Variants in MYO16 observed in about 807,000 individuals in gnomAD.
The protein encoded by MYO16 is unconventional myosin-XVI.
A neutral mutation model predicts 205.3 loss-of-function variants in MYO16; 94 were observed. The observed-to-expected ratio is 0.46, with a 90% CI of 0.39 to 0.54. The LOEUF (loss-of-function observed/expected upper bound fraction) is 0.54. Among genes scored for constraint, MYO16 ranks in the 20% least tolerant of loss-of-function variants. The pLI, the probability that MYO16 is intolerant of heterozygous loss-of-function variation, is 0.00. For missense variants in MYO16, 2,315 were observed against 2,387.5 expected, an observed-to-expected ratio of 0.97 and a Z score of 0.63; for synonymous variants, 988 against 954.0, an observed-to-expected ratio of 1.04 and a Z score of -0.66.
At chr13:109,205,128 ACTGAGTAAC>A (rs923392251) in intron 34 of MYO16, among the ~76,000 whole-genome samples, 1 of 152,122 alleles carries the variant, frequency 6.6e-6, no homozygotes. Context: ...TGCTTTAGGG[ACTGAGTAAC>A]CATAGTCCTC....
chr13:108,496,311 G>A, the MYO16 span, among the ~76,000 whole-genome samples: 2 of 152,232 alleles, frequency 1.3e-5, no homozygotes, highest in East Asian at 3.9e-4. Flanking sequence ...GGGAGATGGG[G>A]GAAGCGGCGT....
In MYO16 at chr13:109,139,320, A is replaced by G. The variant is rs533658444; in HGVS notation, c.4052-944A>G. On this transcript the variant is annotated intron_variant, in intron 31 of 34. Transcript: ENST00000457511. Reference sequence around the variant, plus strand: ...AGTAAGCTTTCATATGCCACTAACTATTAATAGTTAATTGGCCAGGTCTCC... The same window carrying G: ...AGTAAGCTTTCATATGCCACTAACTGTTAATAGTTAATTGGCCAGGTCTCC... Among the ~76,000 whole-genome samples the G allele has an allele frequency of 2.0e-4, 30 of 152,312 alleles. No individual in the cohort carries two copies. The Middle Eastern group carries it at 0.01, about 52-fold the overall frequency.
At chr13:108,595,791 TA>T (rs1251244775), upstream of MYO16, among the ~76,000 whole-genome samples, 2 of 152,116 alleles carry the variant, frequency 1.3e-5, no homozygotes, top group African/African-American at 4.8e-5. Context: ...GTATGGATTT[TA>T]ATGTTCATTG....
intron 21 of MYO16, among the ~76,000 whole-genome samples, chr13:108,999,659 A>G (rs940265799): frequency 3.9e-5 from 6 of 152,158 alleles, no homozygotes; most frequent in Admixed American, 1.3e-4. Context: ...GAGCATATAA[A>G]CTATACATTT....
At chr13:109,191,285 C>T (rs1331929171) in intron 34 of MYO16, among the ~76,000 whole-genome samples, 5 of 152,004 alleles carry the variant, frequency 3.3e-5, no homozygotes, top group Non-Finnish European at 7.4e-5. Flanking sequence ...TGAGGTTCTG[C>T]TTGTACTAGG....
intron 1 of MYO16, among the ~76,000 whole-genome samples, chr13:108,618,858 A>G (rs1213232517): frequency 6.6e-6 from 1 of 152,194 alleles, no homozygotes; most frequent in East Asian, 1.9e-4. Flanking sequence ...ATGCAGTAAA[A>G]CACATATATA....
rs754720073 is a variant in MYO16 at position 108,844,453 on chromosome 13, C to A, written c.1208C>A (p.Pro403His). The A allele has an allele frequency of 6.2e-7, 1 of 1,611,780 alleles. No homozygotes were observed. Among genetic ancestry groups the A allele is most frequent in the Non-Finnish European group, 8.5e-7 (1 of 1,178,366 alleles). ...LCKQQSQDSI[P>H]ENPMMSGSTK... is the part of the protein sequence containing the mutation. ...AAGCAGCAGTCTCAGGACAGCATCC[C>A]TGAAAACCCCATGATGAGCGGTTCC... The change falls in exon 10 of 35, where the codon CCT (proline) becomes CAT (histidine). Residue 403 changes from proline (P) to histidine (H), a missense_variant. By Grantham distance (77) the Pro-to-His change is moderately conservative (BLOSUM62 -2). Transcript: ENST00000457511.
chr13:109,007,008 G>A (rs1885408924), intron 21 of MYO16, among the ~76,000 whole-genome samples: 2 of 152,168 alleles, frequency 1.3e-5, no homozygotes, highest in South Asian at 4.1e-4. Context: ...CTCCATGGAA[G>A]AAGAGAAACC....
chr13:108,720,624 A>G (rs965768213), intron 3 of MYO16, among the ~76,000 whole-genome samples: 2 of 152,206 alleles, frequency 1.3e-5, no homozygotes, highest in Non-Finnish European at 2.9e-5. Context: ...TGCCTGGCAC[A>G]TGACATTCAC....
intron 16 of MYO16, among the ~76,000 whole-genome samples, chr13:108,912,157 C>T (rs1232803417): frequency 6.6e-6 from 1 of 152,138 alleles, no homozygotes; most frequent in Non-Finnish European, 1.5e-5. Flanking sequence ...CAACCTCTGT[C>T]CCGCCACTGC....
At chr13:108,639,966 A>G (rs1396922150) in intron 1 of MYO16, among the ~76,000 whole-genome samples, 3 of 152,220 alleles carry the variant, frequency 2.0e-5, no homozygotes, top group Non-Finnish European at 4.4e-5. Flanking sequence ...AGATGGGAAG[A>G]GCAGGCTTGG....
chr13:109,023,709 A>ATACATATATATATATATATGTATATAT (rs571275985), intron 23 of MYO16, among the ~76,000 whole-genome samples: 6 of 124,144 alleles, frequency 4.8e-5, no homozygotes, highest in Non-Finnish European at 8.0e-5. Context: ...ATATGTATAT[A>ATACATATATATATATATATGTATATAT]TACAAATATA....
chr13:109,131,948 A>G (rs1876561579), intron 31 of MYO16, among the ~76,000 whole-genome samples: 1 of 152,224 alleles, frequency 6.6e-6, no homozygotes, highest in Non-Finnish European at 1.5e-5. Flanking sequence ...GTCAAGTAGC[A>G]GCAACAGCCG....
chr13:109,086,700 C>T (rs1345041122), intron 27 of MYO16, among the ~76,000 whole-genome samples: 2 of 152,070 alleles, frequency 1.3e-5, no homozygotes, highest in East Asian at 1.9e-4. Context: ...CAATTTGGTG[C>T]ACAAATTATT....
At chr13:108,506,503 T>A in the MYO16 span, among the ~76,000 whole-genome samples, 1 of 152,196 alleles carries the variant, frequency 6.6e-6, no homozygotes, top group East Asian at 1.9e-4. Flanking sequence ...TTTTTGCATG[T>A]CAATTCTGGA....
chr13:108,644,362 G>A lies in MYO16; in HGVS notation c.28+14490G>A, dbSNP rs566665548. ...TATTCTACCATCTATCTGTCTGTCT[G>A]TCTATCTATCTATCTATCTATCTAT... is the stretch of plus-strand genomic sequence containing the variant. On this transcript the variant is annotated intron_variant, in intron 1 of 34. Transcript: ENST00000457511. Among the ~76,000 whole-genome samples, 6 of 148,116 alleles carry A rather than the reference G, an allele frequency of 4.1e-5. No individual in the cohort carries two copies. The East Asian group carries it at 8.1e-4, about 20-fold the overall frequency.
chr13:108,871,356 G>GTGTGTGTGTGTGTGTC (rs775485613), intron 12 of MYO16, among the ~76,000 whole-genome samples: 17 of 127,754 alleles, frequency 1.3e-4, no homozygotes, highest in African/African-American at 4.2e-4. Flanking sequence ...GTGTGTGTGT[G>GTGTGTGTGTGTGTGTC]TGTGTGTCTG....
At chr13:108,533,386 G>T in the MYO16 span, among the ~76,000 whole-genome samples, 7 of 152,184 alleles carry the variant, frequency 4.6e-5, no homozygotes, top group African/African-American at 1.7e-4. Context: ...ATCTAGGGGT[G>T]GGAGTTGTCC....
At chr13:108,912,607 C>T (rs1031446352) in intron 16 of MYO16, among the ~76,000 whole-genome samples, 20 of 152,106 alleles carry the variant, frequency 1.3e-4, no homozygotes, top group African/African-American at 4.8e-4. Flanking sequence ...TTGACAAAAC[C>T]CACCACCTGA....
Sources: allele counts gnomAD v4.1 joint callset (sites outside exome capture counted in the v4.1 genomes callset), GRCh38; gene constraint gnomAD v4.1.1; transcripts MANE v1.5; gene names NCBI Gene and HGNC (gene_info 2026-07-23, HGNC 2026-07-21).